The following DCC variants were observed in gnomAD, a reference collection of about 807,000 sequenced individuals.
DCC encodes the protein DCC netrin 1 receptor, also known as netrin receptor DCC.
Under a neutral mutation model 172.5 loss-of-function variants are expected in DCC, and 58 were observed. The ratio of observed to expected loss-of-function variants is 0.34; its 90% CI spans 0.27 to 0.42. The LOEUF (loss-of-function observed/expected upper bound fraction) is 0.42, where lower values mean the gene tolerates loss of function less well. DCC is among the 10% of genes least tolerant of loss of function. The probability of loss-of-function intolerance (pLI) is 1.00; values close to 1 mark genes in which losing one functional copy is unlikely to be tolerated. For synonymous variants in DCC, 709 were observed against 644.5 expected, an observed-to-expected ratio of 1.10 and a Z score of -1.52; for missense variants, 1,740 against 1,791.0, an observed-to-expected ratio of 0.97 and a Z score of 0.51.
chr18:52,747,031 C>A (rs1232987585), intron 1 of DCC, among the ~76,000 whole-genome samples: 1 of 151,816 alleles, frequency 6.6e-6, no homozygotes, highest in Non-Finnish European at 1.5e-5. Flanking sequence ...TTTCTTCAGA[C>A]AATTATAGAT....
At chr18:53,423,167 C>A (rs1331974106) in intron 21 of DCC, among the ~76,000 whole-genome samples, 2 of 152,132 alleles carry the variant, frequency 1.3e-5, no homozygotes, top group Admixed American at 6.6e-5. Flanking sequence ...CCTTCTCACA[C>A]CTGTAAGGTA....
At chr18:53,174,686 A>G (rs2055063554) in intron 8 of DCC, among the ~76,000 whole-genome samples, 1 of 147,344 alleles carries the variant, frequency 6.8e-6, no homozygotes, top group African/African-American at 2.5e-5. Flanking sequence ...AATAATCAAT[A>G]GCTTACCAAC....
intron 2 of DCC, among the ~76,000 whole-genome samples, chr18:52,894,911 C>A (rs183937794): frequency 6.6e-5 from 10 of 152,296 alleles, no homozygotes; most frequent in Admixed American, 2.0e-4. Flanking sequence ...CTTATAGACA[C>A]ATCCAAAATA....
At chr18:53,207,129 G>A (rs566544714) in intron 10 of DCC, among the ~76,000 whole-genome samples, 64 of 152,206 alleles carry the variant, frequency 4.2e-4, no homozygotes, top group African/African-American at 1.4e-3. Context: ...ATAGATGTGA[G>A]TGTGAAGATC....
intron 5 of DCC, among the ~76,000 whole-genome samples, chr18:53,048,039 G>T (rs903968795): frequency 5.3e-5 from 8 of 151,626 alleles, no homozygotes; most frequent in Admixed American, 4.0e-4. Context: ...ACTATTAAAG[G>T]CATATTTTTA....
At chr18:53,102,210 A>G (rs1383821004) in intron 7 of DCC, among the ~76,000 whole-genome samples, 2 of 152,256 alleles carry the variant, frequency 1.3e-5, no homozygotes, top group Non-Finnish European at 2.9e-5. Context: ...TGTAATCGCT[A>G]TAATTAGCCA....
intron 2 of DCC, among the ~76,000 whole-genome samples, chr18:52,834,992 G>A (rs1410750790): frequency 2.0e-5 from 3 of 151,982 alleles, no homozygotes; most frequent in Admixed American, 1.3e-4. Context: ...TTCTTCTTTT[G>A]TAGGAATTCT....
At chr18:52,693,258 T>C (rs1300462452) in intron 1 of DCC, among the ~76,000 whole-genome samples, 4 of 151,090 alleles carry the variant, frequency 2.6e-5, no homozygotes, top group Admixed American at 2.6e-4. Flanking sequence ...CATATATAGA[T>C]TTGTATGTGT....
intron 12 of DCC, among the ~76,000 whole-genome samples, chr18:53,244,966 T>C (rs1446478504): frequency 2.6e-5 from 4 of 152,158 alleles, no homozygotes; most frequent in Non-Finnish European, 2.9e-5. Context: ...TTTAATATTC[T>C]CAATCTAAAT....
intron 1 of DCC, among the ~76,000 whole-genome samples, chr18:52,505,664 A>G (rs1144052): frequency 0.99 from 151,005 of 152,264 alleles, 74,894 homozygotes; most frequent in Middle Eastern, 1. Context: ...TTAAGTCCAC[A>G]CCATCTGAGA....
intron 1 of DCC, among the ~76,000 whole-genome samples, chr18:52,350,804 A>G (rs9954350): frequency 0.34 from 51,362 of 151,964 alleles, 9,080 homozygotes; most frequent in East Asian, 0.52. Context: ...AAACCAAAGT[A>G]TTGGTGTGGT....
At chr18:52,572,177 C>T (rs1223942353) in intron 1 of DCC, among the ~76,000 whole-genome samples, 2 of 152,134 alleles carry the variant, frequency 1.3e-5, no homozygotes, top group Non-Finnish European at 2.9e-5. Flanking sequence ...TAGGCTTTTG[C>T]AGACACCCAG....
chr18:52,864,690 A>G (rs2039192992), intron 2 of DCC, among the ~76,000 whole-genome samples: 1 of 151,608 alleles, frequency 6.6e-6, no homozygotes, highest in Admixed American at 6.6e-5. Context: ...CCAGCCCCCA[A>G]TCCCCCCAAC....
intron 1 of DCC, among the ~76,000 whole-genome samples, chr18:52,693,668 A>G (rs1057432932): frequency 4.6e-5 from 7 of 151,968 alleles, no homozygotes; most frequent in African/African-American, 1.7e-4. Flanking sequence ...AAACTGGGTT[A>G]GAGAAAGTAT....
chr18:52,422,806 G>T (rs192313602), intron 1 of DCC, among the ~76,000 whole-genome samples: 142 of 152,246 alleles, frequency 9.3e-4, no homozygotes, highest in Non-Finnish European at 1.7e-3. Context: ...TGTGAAGAAG[G>T]TATAAGTGAA....
At chr18:52,848,520 G>A (rs1486880949) in intron 2 of DCC, among the ~76,000 whole-genome samples, 2 of 152,158 alleles carry the variant, frequency 1.3e-5, no homozygotes, top group African/African-American at 2.4e-5. Flanking sequence ...TCAAACTTTC[G>A]TATTTTTTTC....
chr18:52,847,328 T>C (rs2145332160), intron 2 of DCC, among the ~76,000 whole-genome samples: 1 of 152,316 alleles, frequency 6.6e-6, no homozygotes, highest in Non-Finnish European at 1.5e-5. Flanking sequence ...TCAGCCATTG[T>C]GTTGGAGTAG....
chr18:53,310,276 C>A (rs909572316), intron 13 of DCC, among the ~76,000 whole-genome samples: 1 of 152,018 alleles, frequency 6.6e-6, no homozygotes, highest in Non-Finnish European at 1.5e-5. Flanking sequence ...ATTGATTTTC[C>A]ATATAAATCT....
intron 2 of DCC, among the ~76,000 whole-genome samples, chr18:52,882,913 G>T (rs2039508279): frequency 6.6e-6 from 1 of 152,020 alleles, no homozygotes; most frequent in Non-Finnish European, 1.5e-5. Flanking sequence ...AACAGTATTT[G>T]CTTTATATGT....
Sources: gnomAD v4.1 joint callset for allele counts (sites outside exome capture counted in the v4.1 genomes callset) on GRCh38, gnomAD v4.1.1 for gene constraint, MANE v1.5 for transcripts, NCBI Gene and HGNC (gene_info 2026-07-23, HGNC 2026-07-21) for gene names.